The following CADM2 variants were observed in gnomAD, a reference collection of about 807,000 sequenced individuals.
CADM2 encodes the protein cell adhesion molecule 2, also known as immunoglobulin superfamily member 4D.
Under a neutral mutation model 49.8 loss-of-function variants are expected in CADM2, and 12 were observed. That is an observed-to-expected ratio of 0.24 (90% CI 0.15 to 0.39). The LOEUF (loss-of-function observed/expected upper bound fraction) is 0.39, where lower values mean the gene tolerates loss of function less well. CADM2 is among the 10% of genes least tolerant of loss of function. The pLI is 1.00. For missense variants in CADM2, 378 were observed against 492.3 expected, an observed-to-expected ratio of 0.77 and a Z score of 2.20; for synonymous variants, 214 against 175.4, an observed-to-expected ratio of 1.22 and a Z score of -1.74.
intron 3 of CADM2, among the ~76,000 whole-genome samples, chr3:85,812,084 A>T (rs755618873): frequency 2.6e-5 from 4 of 152,084 alleles, no homozygotes; most frequent in Non-Finnish European, 5.9e-5. Flanking sequence ...AATAAATAAA[A>T]TATGGATTTT....
chr3:86,009,669 C>T (rs947209134), intron 8 of CADM2, among the ~76,000 whole-genome samples: 7 of 151,738 alleles, frequency 4.6e-5, no homozygotes, highest in Admixed American at 2.6e-4. Context: ...TTCTTTCTCC[C>T]CCATGGGCTG....
At position 85,651,137 on chromosome 3, in the gene CADM2, G is replaced by T. The variant is rs149488444; in HGVS notation, c.62-75385G>T. Among the ~76,000 whole-genome samples the T allele has an allele frequency of 6.5e-3, 987 of 151,916 alleles. 18 individuals are homozygous for T. Among genetic ancestry groups the T allele is most frequent in the African/African-American group, 0.023 (950 of 41,402 alleles). Reference sequence around the variant, plus strand: ...AAATAAAATTTATCTTGCATAAACTGCCATAGCTTGAGTGTAGAATTATTT... The same window carrying T: ...AAATAAAATTTATCTTGCATAAACTTCCATAGCTTGAGTGTAGAATTATTT... On this transcript the variant is annotated intron_variant, in intron 1 of 9. Transcript: ENST00000383699.
chr3:85,850,360 C>G (rs940994105), intron 3 of CADM2, among the ~76,000 whole-genome samples: 4 of 132,924 alleles, frequency 3.0e-5, no homozygotes, highest in African/African-American at 1.1e-4. Context: ...AGTCTCGCTC[C>G]GTCGCCCAGG....
rs543524608 is a variant in CADM2 at position 85,834,506 on chromosome 3, G to T, written c.238+32310G>T. ...CTTCCTAATCACATTTCCTATGTAT[G>T]GACTTGTGTTGTTACAATATATCAA... On this transcript the variant is annotated intron_variant, in intron 3 of 9. Transcript: ENST00000383699. Among the ~76,000 whole-genome samples, 5 of 151,684 alleles carry T rather than the reference G, an allele frequency of 3.3e-5. No homozygotes were observed. In the East Asian group the frequency reaches 7.8e-4, roughly 24 times the overall value.
chr3:85,076,220 C>T (rs969801250), intron 1 of CADM2, among the ~76,000 whole-genome samples: 8 of 151,802 alleles, frequency 5.3e-5, no homozygotes, highest in Non-Finnish European at 8.8e-5. Flanking sequence ...AACTTGTTCA[C>T]GTTAGTGATG....
At chr3:85,932,111 G>A (rs1300243510) in intron 6 of CADM2, among the ~76,000 whole-genome samples, 1 of 151,238 alleles carries the variant, frequency 6.6e-6, no homozygotes, top group South Asian at 2.1e-4. Context: ...TTAAAATAGT[G>A]GCTGTGGAAC....
At chr3:85,826,773 A>G (rs1419084680) in intron 3 of CADM2, among the ~76,000 whole-genome samples, 1 of 152,020 alleles carries the variant, frequency 6.6e-6, no homozygotes, top group African/African-American at 2.4e-5. Context: ...GAAAAAGACT[A>G]TTAGCCCACC....
At chr3:85,077,233 G>A (rs2036979491) in intron 1 of CADM2, among the ~76,000 whole-genome samples, 1 of 152,068 alleles carries the variant, frequency 6.6e-6, no homozygotes. Flanking sequence ...AATACTAGTT[G>A]AGGTTTGTTT....
chr3:85,693,261 C>CAAGG (rs201470849), intron 1 of CADM2, among the ~76,000 whole-genome samples: 2,231 of 151,054 alleles, frequency 0.015, 58 homozygotes, highest in African/African-American at 0.051. Flanking sequence ...AAACAAAAAA[C>CAAGG]AAGGAAGGAA....
chr3:85,690,838 A>G (rs1484675039), intron 1 of CADM2, among the ~76,000 whole-genome samples: 1 of 152,202 alleles, frequency 6.6e-6, no homozygotes, highest in Non-Finnish European at 1.5e-5. Flanking sequence ...CGATATTTCT[A>G]TACTTGTATA....
chr3:85,921,849 C>A (rs1039117434), intron 6 of CADM2, among the ~76,000 whole-genome samples: 1 of 151,954 alleles, frequency 6.6e-6, no homozygotes, highest in African/African-American at 2.4e-5. Flanking sequence ...TTTACTTCTC[C>A]CACAAGACCT....
intron 2 of CADM2, among the ~76,000 whole-genome samples, chr3:85,792,001 G>A (rs150345347): frequency 0.054 from 8,252 of 152,200 alleles, 638 homozygotes; most frequent in African/African-American, 0.17. Context: ...GGGATTACAG[G>A]CATAAGCCAC....
At chr3:85,900,295 T>A (rs1715935467) in intron 5 of CADM2, among the ~76,000 whole-genome samples, 1 of 152,204 alleles carries the variant, frequency 6.6e-6, no homozygotes, top group African/African-American at 2.4e-5. Context: ...AATGGTAGTG[T>A]GTCTCAACCT....
At chr3:85,621,623 T>C (rs2063980657) in intron 1 of CADM2, among the ~76,000 whole-genome samples, 1 of 152,176 alleles carries the variant, frequency 6.6e-6, no homozygotes, top group African/African-American at 2.4e-5. Context: ...TAAAAGAGAC[T>C]CAAGTTTATT....
chr3:85,438,332 T>C (rs11929525), intron 1 of CADM2, among the ~76,000 whole-genome samples: 73,825 of 150,924 alleles, frequency 0.49, 21,689 homozygotes, highest in East Asian at 0.83. Flanking sequence ...TATCTGTATC[T>C]TATGCATGTT....
At chr3:85,605,955 C>T (rs1234159687) in intron 1 of CADM2, among the ~76,000 whole-genome samples, 2 of 151,992 alleles carry the variant, frequency 1.3e-5, no homozygotes, top group Non-Finnish European at 1.5e-5. Flanking sequence ...TTAAAGAAGA[C>T]GTGAATAAGA....
chr3:85,766,332 A>G (rs954615023), intron 2 of CADM2, among the ~76,000 whole-genome samples: 17 of 152,130 alleles, frequency 1.1e-4, no homozygotes, highest in African/African-American at 3.9e-4. Flanking sequence ...AGAGCTCTCT[A>G]TTAATAGTTA....
At chr3:86,020,657 T>G (rs1051040744) in intron 8 of CADM2, among the ~76,000 whole-genome samples, 7 of 152,104 alleles carry the variant, frequency 4.6e-5, no homozygotes, top group Non-Finnish European at 5.9e-5. Context: ...GTGGGCTTCA[T>G]CCCTGGGATG....
intron 8 of CADM2, among the ~76,000 whole-genome samples, chr3:85,965,083 A>T (rs572884783): frequency 2.6e-5 from 4 of 151,510 alleles, no homozygotes; most frequent in Non-Finnish European, 5.9e-5. Flanking sequence ...AATAACAAAC[A>T]AGAAGATTAT....
Sources: allele counts gnomAD v4.1 joint callset (sites outside exome capture counted in the v4.1 genomes callset), GRCh38; gene constraint gnomAD v4.1.1; transcripts MANE v1.5; gene names NCBI Gene and HGNC (gene_info 2026-07-23, HGNC 2026-07-21).